The following SCOC variants were observed in gnomAD, a reference collection of about 807,000 sequenced individuals.
SCOC encodes short coiled coil protein.
SCOC carries 7 observed loss-of-function variants against 9.9 expected under a neutral mutation model. The ratio of observed to expected loss-of-function variants is 0.71; its 90% CI spans 0.40 to 1.33. SCOC has a LOEUF of 1.33. Among genes scored for constraint, SCOC ranks in the 40% most tolerant of loss-of-function variants. SCOC has a pLI of 0.01. For missense variants in SCOC, 66 were observed against 89.7 expected (o/e 0.74, Z 1.07); for synonymous variants, 19 against 28.2 (o/e 0.67, Z 1.03).
At chr4:140,296,709 G>C (rs1479415367) in intron 1 of SCOC, among the ~76,000 whole-genome samples, 1 of 151,986 alleles carries the variant, frequency 6.6e-6, no homozygotes, top group African/African-American at 2.4e-5. Context: ...ATTGATCTGA[G>C]CATGTAGCTG....
Position 140,381,249 on chromosome 4 carries a change from A to G in SCOC, c.*145A>G. On this transcript the variant is annotated 3_prime_UTR_variant, in exon 4 of 4. Transcript: ENST00000608372. ...CAGATGTAGACAAAAATAACACAAT[A>G]ACAGGAGACTTCCATAAGTTTGTGT... The G allele has an allele frequency of 1.4e-6, 1 of 704,350 alleles. No individual in the cohort carries two copies. Among genetic ancestry groups the G allele is most frequent in the African/African-American group, 1.9e-5 (1 of 53,798 alleles). 43.6% of individuals were successfully genotyped at this position (704,350 alleles called of 1,614,324 possible). A position where few individuals can be genotyped will look rare whatever the true frequency, so the allele number is the denominator to read the frequency against.
At chr4:140,274,111 A>G (rs1730923722) in intron 1 of SCOC, among the ~76,000 whole-genome samples, 1 of 152,256 alleles carries the variant, frequency 6.6e-6, no homozygotes, top group African/African-American at 2.4e-5. Flanking sequence ...AGGGAAAAGA[A>G]GCAATTCCTA....
chr4:140,289,077 T>C (rs1472795474), intron 1 of SCOC, among the ~76,000 whole-genome samples: 2 of 152,142 alleles, frequency 1.3e-5, no homozygotes, highest in African/African-American at 4.8e-5. Context: ...TTAACACAGA[T>C]GCTAGGAGAC....
chr4:140,339,315 A>G (rs1487761960), upstream of SCOC, among the ~76,000 whole-genome samples: 1 of 152,102 alleles, frequency 6.6e-6, no homozygotes, highest in Non-Finnish European at 1.5e-5. Context: ...TGGATTAAAG[A>G]CTTAAATGTT....
chr4:140,297,295 T>A (rs1372738622), intron 1 of SCOC, among the ~76,000 whole-genome samples: 1 of 151,576 alleles, frequency 6.6e-6, no homozygotes, highest in Non-Finnish European at 1.5e-5. Context: ...GTTGTCAGTA[T>A]CTGCTGCCGG....
chr4:140,330,490 T>C (rs774938094), intron 1 of SCOC, among the ~76,000 whole-genome samples: 1 of 152,044 alleles, frequency 6.6e-6, no homozygotes, highest in African/African-American at 2.4e-5. Flanking sequence ...AAAATTAAGG[T>C]TCCCATAATT....
At chr4:140,300,445 C>T (rs1204486116) in intron 1 of SCOC, among the ~76,000 whole-genome samples, 1 of 152,212 alleles carries the variant, frequency 6.6e-6, no homozygotes, top group Non-Finnish European at 1.5e-5. Context: ...CCCAGGTACT[C>T]CCCAGTGCCT....
At chr4:140,335,919 A>T (rs1732944874) in intron 1 of SCOC, among the ~76,000 whole-genome samples, 1 of 152,162 alleles carries the variant, frequency 6.6e-6, no homozygotes, top group Admixed American at 6.6e-5. Flanking sequence ...CACTTAAAAA[A>T]TGAGATTTAT....
chr4:140,340,405 G>A (rs1190316476), upstream of SCOC, among the ~76,000 whole-genome samples: 1 of 151,576 alleles, frequency 6.6e-6, no homozygotes, highest in Non-Finnish European at 1.5e-5. Flanking sequence ...TATACATGTT[G>A]TATATATATG....
At chr4:140,287,952 A>G (rs1428889964) in intron 1 of SCOC, among the ~76,000 whole-genome samples, 1 of 152,054 alleles carries the variant, frequency 6.6e-6, no homozygotes, top group Non-Finnish European at 1.5e-5. Flanking sequence ...GGGCACATGC[A>G]TACCACACAG....
intron 1 of SCOC, among the ~76,000 whole-genome samples, chr4:140,287,652 G>T (rs949453109): frequency 6.6e-6 from 1 of 151,836 alleles, no homozygotes; most frequent in Non-Finnish European, 1.5e-5. Context: ...GAGTATGCAG[G>T]TACATATACC....
intron 1 of SCOC, chr4:140,343,588 GCTTTTCTCTGCC>G: frequency 6.9e-7 from 1 of 1,452,554 alleles, no homozygotes. Context: ...GACAACTGCT[GCTTTTCTCTGCC>G]CTCATTTTTC....
chr4:140,379,079 A>AT (rs1171894325), intron 1 of SCOC, 42 bp from the exon 2 acceptor site: 2 of 1,170,682 alleles, frequency 1.7e-6, no homozygotes, highest in South Asian at 2.4e-5. Flanking sequence ...CTTATAGTTT[A>AT]TTGCTGTATG....
intron 1 of SCOC, among the ~76,000 whole-genome samples, chr4:140,308,403 A>G (rs1227420109): frequency 6.6e-6 from 1 of 152,230 alleles, no homozygotes; most frequent in African/African-American, 2.4e-5. Flanking sequence ...TCATTCAGAA[A>G]GACTGTATGC....
chr4:140,332,554 T>C (rs1001133151), intron 1 of SCOC, among the ~76,000 whole-genome samples: 1 of 151,974 alleles, frequency 6.6e-6, no homozygotes, highest in Non-Finnish European at 1.5e-5. Flanking sequence ...AATTTTTGTA[T>C]TTTTAGTAGA....
intron 2 of SCOC, among the ~76,000 whole-genome samples, chr4:140,352,189 A>G (rs1040003912): frequency 5.9e-5 from 9 of 152,234 alleles, no homozygotes; most frequent in Non-Finnish European, 7.3e-5. Flanking sequence ...ACTAATTTAA[A>G]AGATTATTCC....
At chr4:140,316,298 C>T (rs938976404) in intron 1 of SCOC, among the ~76,000 whole-genome samples, 5 of 152,124 alleles carry the variant, frequency 3.3e-5, no homozygotes, top group Admixed American at 1.3e-4. Flanking sequence ...GGGACAGTTT[C>T]CCAAGTCAAT....
At chr4:140,361,227 GGT>G (rs766485407) in intron 2 of SCOC, among the ~76,000 whole-genome samples, 588 of 22,870 alleles carry the variant, frequency 0.026, 2 homozygotes, top group Non-Finnish European at 0.035. Context: ...CACGGCAGTG[GGT>G]TTTTTTTTTT....
chr4:140,341,532 T>C (rs1165992159), upstream of SCOC, among the ~76,000 whole-genome samples: 2 of 152,222 alleles, frequency 1.3e-5, no homozygotes, highest in African/African-American at 4.8e-5. Context: ...TAGCACATAG[T>C]AGGCATTTTA....
Sources: allele counts gnomAD v4.1 joint callset (sites outside exome capture counted in the v4.1 genomes callset), GRCh38; gene constraint gnomAD v4.1.1; transcripts MANE v1.5; gene names NCBI Gene and HGNC (gene_info 2026-07-23, HGNC 2026-07-21).